NELFE: variants seen among roughly 807,000 people sequenced by gnomAD.
The protein encoded by NELFE is negative elongation factor complex member E.
Under a neutral mutation model 55.5 loss-of-function variants are expected in NELFE, and 26 were observed. The ratio of observed to expected loss-of-function variants is 0.47; its 90% confidence interval spans 0.34 to 0.65. NELFE has a LOEUF of 0.65. Among genes scored for constraint, NELFE ranks in the 30% least tolerant of loss-of-function variants. The probability of loss-of-function intolerance (pLI) is 0.01; values close to 1 mark genes in which losing one functional copy is unlikely to be tolerated. For synonymous variants in NELFE, 162 were observed against 178.0 expected (o/e 0.91, Z 0.72); for missense variants, 403 against 506.9 (o/e 0.80, Z 1.97).
intron 2 of NELFE, chr6:31,957,360 G>A: frequency 1.9e-6 from 1 of 533,890 alleles, no homozygotes; most frequent in African/African-American, 1.9e-5. Context: ...CATATTGAAT[G>A]AGGCCCAGCC....
intron 4 of NELFE, among the ~76,000 whole-genome samples, 155 bp from the exon 5 acceptor site, chr6:31,955,448 ATTTTT>A (rs72274522): frequency 8.1e-6 from 1 of 122,734 alleles, no homozygotes; most frequent in African/African-American, 3.1e-5. Flanking sequence ...GGTTTTACTT[ATTTTT>A]TTTTTTTTTT....
In NELFE at chr6:31,958,311, A is replaced by G. The variant is rs183152572; in HGVS notation, c.75+61T>C. 4.9e-4 allele frequency: 729 copies of G among 1,493,320 alleles called. 1 individual carries two copies. The Middle Eastern group carries it at 8.7e-3, about 18-fold the overall frequency. The allele number at this position is 1,493,320 out of a possible 1,614,324, so 92.5% of individuals were successfully genotyped here. A position where few individuals can be genotyped will look rare whatever the true frequency, so the allele number is the denominator to read the frequency against. On this transcript the variant is annotated intron_variant, in intron 2 of 10. Coordinates refer to ENST00000375429, the MANE Select transcript of NELFE (RefSeq NM_002904.6). ...TTCCCCATTCGCTCACACTCACCCCATATCTTCTCAGAGTGCAGAGTCTGT... is the reference window on the plus strand; with the variant it reads ...TTCCCCATTCGCTCACACTCACCCCGTATCTTCTCAGAGTGCAGAGTCTGT...
rs962339587 is a variant in NELFE, at chr6:31,957,452, A to G, written c.76-442T>C. 17 of 463,794 alleles carry G rather than the reference A, an allele frequency of 3.7e-5. No homozygotes were observed. In the Admixed American group the frequency reaches 3.7e-4, roughly 10 times the overall value. The allele number at this position is 463,794 out of a possible 1,614,324, so 28.7% of individuals were successfully genotyped here. A position where few individuals can be genotyped will look rare whatever the true frequency, so the allele number is the denominator to read the frequency against. ...GCTTACAGTCTGAGAAATAAAATAC[A>G]TTGAGTTAGCAATACAATTATAAGA... On this transcript the variant is annotated intron_variant, in intron 2 of 10. Transcript: ENST00000375429.
At chr6:31,955,167 C>T in intron 5 of NELFE, 52 bp downstream of exon 5, 1 of 1,612,076 alleles carries the variant, frequency 6.2e-7, no homozygotes. Flanking sequence ...ATATTTGTCT[C>T]TCATATTCCT....
intron 2 of NELFE, chr6:31,957,379 G>A (rs1015380233): frequency 3.9e-5 from 20 of 509,784 alleles, no homozygotes; most frequent in African/African-American, 9.6e-5. Flanking sequence ...CCATGACTTC[G>A]TAACAGGGAT....
At chr6:31,955,125 T>C (rs1174657663) in intron 5 of NELFE, 29 bp from the exon 6 acceptor site, 1 of 1,613,022 alleles carries the variant, frequency 6.2e-7, no homozygotes, top group Non-Finnish European at 8.5e-7. Flanking sequence ...ACAGTTAAGA[T>C]GATTTCCAGT....
At chr6:31,956,407 G>A (rs1422491455) in intron 4 of NELFE, among the ~76,000 whole-genome samples, 1 of 152,144 alleles carries the variant, frequency 6.6e-6, no homozygotes, top group Non-Finnish European at 1.5e-5. Context: ...GATATATTAT[G>A]TATTCAGTTT....
In NELFE at chr6:31,954,651, G is replaced by T. The variant is rs772078692; in HGVS notation, c.646C>A (p.Arg216=). The change falls in exon 7 of 11, where the codon CGG becomes AGG. Residue 216 remains arginine, a synonymous_variant. Coordinates refer to ENST00000375429, the MANE Select transcript of NELFE (RefSeq NM_002904.6). The surrounding 1 kb of genome is among the most constrained non-coding windows in gnomAD (Gnocchi z 5.5). ...CGATCCCGATCCCGATCCCTGTCCCGCTCTCTGTCTCTGTCTCGATCCCGG... is the reference window on the plus strand; with the variant it reads ...CGATCCCGATCCCGATCCCTGTCCCTCTCTCTGTCTCTGTCTCGATCCCGG... ...RDRDRDRDRE[R]DRDRDRDRDR... 1.3e-6 allele frequency: 2 copies of T among 1,599,452 alleles called. No individual in the cohort carries two copies. The highest frequency in any genetic ancestry group is 1.7e-6 in the Non-Finnish European group (2 of 1,172,492).
At position 31,953,781 on chromosome 6, in the gene NELFE, T is replaced by C. The variant is rs774676159; in HGVS notation, c.993A>G (p.Arg331=). The C allele has an allele frequency of 3.1e-6, 5 of 1,612,966 alleles. No homozygotes were observed. Among genetic ancestry groups the C allele is most frequent in the African/African-American group, 1.3e-5 (1 of 74,934 alleles). Residue 331 remains arginine (R), a synonymous_variant, in exon 10 of 11, where the codon CGA becomes CGG. Coordinates refer to ENST00000375429, the MANE Select transcript of NELFE (RefSeq NM_002904.6). ...ESVQLKVNIA[R]KQPMLDAATG... ...TAGCGGCATCCAGCATGGGCTGTTT[T>C]CGGGCTATGTTGACTTTGAGCTGTA...
rs758744100 is a variant in NELFE, at chr6:31,956,965, T to C, written c.121A>G (p.Thr41Ala). 6.2e-7 allele frequency: 1 copy of C among 1,605,350 alleles called. No individual in the cohort carries two copies. The highest frequency in any genetic ancestry group is 2.2e-5 in the East Asian group (1 of 44,638). Residue 41 changes from threonine (T) to alanine (A), a missense_variant, in exon 3 of 11, where the codon ACC becomes GCC. Thr to Ala is a moderately conservative substitution (Grantham distance 58). Around this residue, in one of 3 missense-constraint regions of NELFE, gnomAD observed 97 missense variants for 155.3 expected, o/e 0.62. Coordinates refer to ENST00000375429, the MANE Select transcript of NELFE (RefSeq NM_002904.6). The part of the protein sequence containing the change: ...ALKKQSSSST[T>A]SQGGVKRSLS... ...CAGCGTTTGACACCACCTTGGCTGG[T>C]TGTGCTGCTGCTACTTTGCTTCTTC...
At position 31,952,164 on chromosome 6, in the gene NELFE, A is replaced by G. The variant is rs1771814379; in HGVS notation, c.*137T>C. ...TTGTTACACTGAGATCAAACCTGACAGCCGTTTTTAAAGGTTTAACCCCAA... is the reference window on the plus strand; with the variant it reads ...TTGTTACACTGAGATCAAACCTGACGGCCGTTTTTAAAGGTTTAACCCCAA... On this transcript the variant is annotated 3_prime_UTR_variant, in exon 11 of 11. Coordinates refer to ENST00000375429, the MANE Select transcript of NELFE (RefSeq NM_002904.6). 2 of 1,460,366 alleles carry G rather than the reference A, an allele frequency of 1.4e-6. No individual in the cohort carries two copies. The highest frequency in any genetic ancestry group is 2.4e-5 in the South Asian group (2 of 84,734). The allele number at this position is 1,460,366 out of a possible 1,614,324, so 90.5% of individuals were successfully genotyped here.
intron 4 of NELFE, among the ~76,000 whole-genome samples, chr6:31,956,121 G>A (rs1300654278): frequency 6.6e-6 from 1 of 151,548 alleles, no homozygotes; most frequent in Non-Finnish European, 1.5e-5. Context: ...AGTAGAGATG[G>A]GGTTTCACCT....
Position 31,957,212 on chromosome 6 carries a change from C to T in NELFE, c.76-202G>A, listed in dbSNP as rs148349776. On this transcript the variant is annotated intron_variant, in intron 2 of 10. Coordinates refer to ENST00000375429, the MANE Select transcript of NELFE (RefSeq NM_002904.6). ...TTCCTAATCTAACCAAACCACGGAA[C>T]CCAGAGGTTTTCCAGAGTGTTACAT... 24 of 620,686 alleles carry T rather than the reference C, an allele frequency of 3.9e-5. No individual in the cohort carries two copies. The East Asian group carries it at 6.3e-4, about 16-fold the overall frequency. The allele number at this position is 620,686 out of a possible 1,614,324, so 38.4% of individuals were successfully genotyped here. A position where few individuals can be genotyped will look rare whatever the true frequency, so the allele number is the denominator to read the frequency against.
chr6:31,954,638 C>T lies in NELFE; in HGVS notation c.659G>A (p.Arg220Gln), dbSNP rs372886925. Residue 220 changes from arginine (R) to glutamine (Q), a missense_variant, in exon 7 of 11, where the codon CGG becomes CAG. Arg to Gln is a conservative substitution (Grantham distance 43, BLOSUM62 1). Transcript: ENST00000375429. This position sits in a 1 kb window ranked among gnomAD's most constrained non-coding sequence, Gnocchi z 5.5. ...CCGGTCTCGATCTCGATCCCGATCCCGATCCCTGTCCCGCTCTCTGTCTCT... is the reference window on the plus strand; with the variant it reads ...CCGGTCTCGATCTCGATCCCGATCCTGATCCCTGTCCCGCTCTCTGTCTCT... ...RDRDRERDRDRDRDRDRDRER... is the reference protein window; with the variant it reads ...RDRDRERDRDQDRDRDRDRER... 24 of 1,606,888 alleles carry T rather than the reference C, an allele frequency of 1.5e-5. No homozygotes were observed. Among genetic ancestry groups the T allele is most frequent in the South Asian group, 3.3e-5 (3 of 90,368 alleles).
chr6:31,958,918 A>C lies in NELFE; in HGVS notation c.-35T>G, dbSNP rs1184794061. 4 of 594,966 alleles carry C rather than the reference A, an allele frequency of 6.7e-6. No homozygotes were observed. Among genetic ancestry groups the C allele is most frequent in the African/African-American group, 1.9e-5 (1 of 53,686 alleles). The allele number at this position is 594,966 out of a possible 1,614,324, so 36.9% of individuals were successfully genotyped here. ...CGAGGGGGCGGCAACCGGGGGCCCCACGGTCTCCGGCCGCGCCCGCGCTGG... is the reference window on the plus strand; with the variant it reads ...CGAGGGGGCGGCAACCGGGGGCCCCCCGGTCTCCGGCCGCGCCCGCGCTGG... On this transcript the variant is annotated 5_prime_UTR_variant, in exon 1 of 11. Coordinates refer to ENST00000375429, the MANE Select transcript of NELFE (RefSeq NM_002904.6).
In NELFE at chr6:31,953,730, G is replaced by A. The variant is rs1316146805; in HGVS notation, c.1044C>T (p.Leu348=). 2.5e-6 allele frequency: 4 copies of A among 1,611,816 alleles called. No homozygotes were observed. Among genetic ancestry groups the A allele is most frequent in the South Asian group, 1.1e-5 (1 of 91,052 alleles). Residue 348 remains leucine, a splice_region_variant and synonymous_variant, in exon 10 of 11, where the codon CTC becomes CTT. Transcript: ENST00000375429. ...AATGKSVWGS[L]AVQNSPKGCH... Reference sequence around the variant, plus strand: ...GGAAAGGAAGAATCCCATTCTTACCGAGGGAGCCCCAGACAGACTTGCCAG... The same window carrying A: ...GGAAAGGAAGAATCCCATTCTTACCAAGGGAGCCCCAGACAGACTTGCCAG...
rs1418834911 is a variant in NELFE at position 31,958,935 on chromosome 6, C to T, written c.-52G>A. 1.9e-5 allele frequency: 11 copies of T among 594,498 alleles called. No individual in the cohort carries two copies. The highest frequency in any genetic ancestry group is 1.3e-4 in the African/African-American group (7 of 53,674). The allele number at this position is 594,498 out of a possible 1,614,324, so 36.8% of individuals were successfully genotyped here. On this transcript the variant is annotated 5_prime_UTR_variant, in exon 1 of 11. Transcript: ENST00000375429. ...GGGGCCCCACGGTCTCCGGCCGCGC[C>T]CGCGCTGGCCGCTGATAGCGGGCTC...
chr6:31,955,173 T>C (rs746426563), intron 5 of NELFE, 46 bp downstream of exon 5: 37 of 1,611,712 alleles, frequency 2.3e-5, no homozygotes, highest in Non-Finnish European at 6.8e-6. Flanking sequence ...GTCTCTCATA[T>C]TCCTCCATCC....
At chr6:31,958,110 A>G (rs1299196259) in intron 2 of NELFE, among the ~76,000 whole-genome samples, 1 of 152,212 alleles carries the variant, frequency 6.6e-6, no homozygotes, top group Non-Finnish European at 1.5e-5. Flanking sequence ...ATAGAACTGG[A>G]AAAAACAAAC....
Sources: gnomAD v4.1 joint callset for allele counts (sites outside exome capture counted in the v4.1 genomes callset) on GRCh38, gnomAD v4.1.1 for gene constraint, gnomAD v4.1.1 regional missense constraint, Gnocchi (gnomAD v3.1) non-coding constraint, MANE v1.5 for transcripts, NCBI Gene and HGNC (gene_info 2026-07-23, HGNC 2026-07-21) for gene names.